Variants in SORBS2 observed in about 807,000 individuals in gnomAD.
The protein encoded by SORBS2 is sorbin and SH3 domain-containing protein 2.
In SORBS2, 46 loss-of-function variants were observed where a neutral mutation model predicts 97.7. The observed-to-expected ratio is 0.47, with a 90% CI of 0.37 to 0.60. The LOEUF (loss-of-function observed/expected upper bound fraction) is 0.60. SORBS2 is among the 20% of genes least tolerant of loss of function. The pLI is 0.00. For missense variants in SORBS2, 1,316 were observed against 1,282.3 expected (o/e 1.03, Z -0.40); for synonymous variants, 476 against 473.4 (o/e 1.01, Z -0.07).
chr4:185,911,900 G>A (rs900805276), intron 1 of SORBS2, among the ~76,000 whole-genome samples: 3 of 152,192 alleles, frequency 2.0e-5, no homozygotes, highest in African/African-American at 7.2e-5. Context: ...GCAACTTGCA[G>A]GAAGATCCCA....
chr4:185,842,062 C>A (rs1363172604), intron 1 of SORBS2, among the ~76,000 whole-genome samples: 1 of 152,184 alleles, frequency 6.6e-6, no homozygotes, highest in East Asian at 1.9e-4. Context: ...CCTCAAGGAG[C>A]TTATCTCCTA....
At chr4:185,770,975 C>CTTTTTTTT (rs747070975) in intron 2 of SORBS2, 52 of 72,740 alleles carry the variant, frequency 7.1e-4, no homozygotes, top group South Asian at 1.3e-3. Flanking sequence ...TCATCGTTTC[C>CTTTTTTTT]TTTTTTTTTT....
At chr4:185,829,695 CATTATTT>C (rs1292977709) in intron 1 of SORBS2, among the ~76,000 whole-genome samples, 5 of 152,278 alleles carry the variant, frequency 3.3e-5, no homozygotes, top group Non-Finnish European at 5.9e-5. Context: ...GGCACATAGT[CATTATTT>C]ATTAAATGGG....
rs544276302 is a variant in SORBS2, at chr4:185,694,652, G to T, written c.-197-15830C>A. ...TAAACAGCATGACTTCGGGTCTATA[G>T]TCTTTTAATTTTGCTTGAATTTCTT... On this transcript the variant is annotated intron_variant, in intron 2 of 20. Coordinates refer to the SORBS2 transcript ENST00000284776. Among the ~76,000 whole-genome samples, 3 of 150,580 alleles carry T rather than the reference G, an allele frequency of 2.0e-5. No homozygotes were observed. In the South Asian group the frequency reaches 6.4e-4, roughly 32 times the overall value.
At position 185,656,403 on chromosome 4, in the gene SORBS2, C is replaced by T. The variant is rs149033196; in HGVS notation, c.24+212G>A. On this transcript the variant is annotated intron_variant, in intron 1 of 14. Transcript: ENST00000418609. ...AGAGAAGAAAATCCCCACACTTTAT[C>T]GTTAGTTCTTTTTGACTGTTTCCAA... Among the ~76,000 whole-genome samples, 636 of 150,570 alleles carry T rather than the reference C, an allele frequency of 4.2e-3. 8 individuals carry two copies. The highest frequency in any genetic ancestry group is 0.033 in the Admixed American group (492 of 15,120).
At chr4:185,937,622 T>C (rs183081784) in intron 1 of SORBS2, among the ~76,000 whole-genome samples, 109 of 152,320 alleles carry the variant, frequency 7.2e-4, no homozygotes, top group Non-Finnish European at 1.5e-3. Flanking sequence ...GGGCTCTACA[T>C]CCTTGGTTCA....
At chr4:185,689,612 C>T (rs909628978) in intron 2 of SORBS2, among the ~76,000 whole-genome samples, 29 of 152,212 alleles carry the variant, frequency 1.9e-4, no homozygotes, top group African/African-American at 7.0e-4. Context: ...ACAGCCTTCT[C>T]TGAGGCCACT....
chr4:185,883,252 A>AT (rs1453681548), intron 1 of SORBS2, among the ~76,000 whole-genome samples: 2 of 152,324 alleles, frequency 1.3e-5, no homozygotes, highest in African/African-American at 4.8e-5. Flanking sequence ...ATTTGAATAG[A>AT]TTTTTTCACA....
intron 2 of SORBS2, among the ~76,000 whole-genome samples, chr4:185,689,641 C>T (rs1403335020): frequency 3.3e-5 from 5 of 152,170 alleles, no homozygotes; most frequent in East Asian, 1.9e-4. Flanking sequence ...TGGCACATGA[C>T]GCAAGGCTCT....
intron 2 of SORBS2, among the ~76,000 whole-genome samples, chr4:185,698,333 G>A (rs62336143): frequency 2.0e-5 from 3 of 152,036 alleles, no homozygotes; most frequent in Non-Finnish European, 2.9e-5. Flanking sequence ...AAAATTAGCC[G>A]GGCATGGTGG....
At chr4:185,902,688 TA>T (rs79092738) in intron 1 of SORBS2, among the ~76,000 whole-genome samples, 50,806 of 139,658 alleles carry the variant, frequency 0.36, 9,439 homozygotes, top group Non-Finnish European at 0.43. Context: ...TGTTTTTACT[TA>T]AAAAAAAAAA....
chr4:185,779,281 C>G (rs149446647), intron 1 of SORBS2, among the ~76,000 whole-genome samples: 28 of 152,288 alleles, frequency 1.8e-4, no homozygotes, highest in African/African-American at 4.1e-4. Context: ...CTTAGCCTCC[C>G]CATACCTCGG....
intron 4 of SORBS2, among the ~76,000 whole-genome samples, chr4:185,636,883 G>A (rs1439793829): frequency 6.6e-6 from 1 of 152,124 alleles, no homozygotes; most frequent in Non-Finnish European, 1.5e-5. Context: ...TGTTGATTTC[G>A]TGATCCGCCT....
At chr4:185,610,422 G>C (rs1161747764) in intron 12 of SORBS2, among the ~76,000 whole-genome samples, 5 of 83,312 alleles carry the variant, frequency 6.0e-5, no homozygotes, top group Non-Finnish European at 1.1e-4. Context: ...GAAGATTCTG[G>C]AAAACTATAA....
intron 1 of SORBS2, among the ~76,000 whole-genome samples, chr4:185,902,598 T>C (rs2099248295): frequency 6.6e-6 from 1 of 151,650 alleles, no homozygotes; most frequent in South Asian, 2.1e-4. Flanking sequence ...CAATAATTGG[T>C]CTGGAGAGAG....
chr4:185,671,078 C>A (rs1427180756), intron 4 of SORBS2, among the ~76,000 whole-genome samples: 5 of 152,156 alleles, frequency 3.3e-5, no homozygotes, highest in Admixed American at 2.6e-4. Flanking sequence ...AGCTGCCTGG[C>A]CATTGCCCCG....
intron 1 of SORBS2, among the ~76,000 whole-genome samples, chr4:185,810,518 T>C (rs2099175638): frequency 6.6e-6 from 1 of 152,236 alleles, no homozygotes. Flanking sequence ...TTGTTCAAAG[T>C]TTTTGACCAA....
chr4:185,712,964 G>A (rs917708708), intron 2 of SORBS2, among the ~76,000 whole-genome samples: 3 of 152,042 alleles, frequency 2.0e-5, no homozygotes. Context: ...TAACCTTATG[G>A]TTTTTCTCCC....
At chr4:185,861,244 A>G (rs1454385890) in intron 1 of SORBS2, among the ~76,000 whole-genome samples, 1 of 143,456 alleles carries the variant, frequency 7.0e-6, no homozygotes, top group African/African-American at 2.6e-5. Context: ...GCCTGAACGA[A>G]TGTTTTCAGG....
Sources: gnomAD v4.1 joint callset for allele counts (sites outside exome capture counted in the v4.1 genomes callset) on GRCh38, gnomAD v4.1.1 for gene constraint, MANE v1.5 for transcripts, NCBI Gene and HGNC (gene_info 2026-07-23, HGNC 2026-07-21) for gene names.